Variants in SPIN1 observed in about 807,000 individuals in gnomAD.
SPIN1 encodes the protein spindlin 1, also known as spindlin-1.
SPIN1 carries 3 observed loss-of-function variants against 26.0 expected under a neutral mutation model. The observed-to-expected ratio is 0.12, with a 90% confidence interval of 0.05 to 0.30. The LOEUF is 0.30. Among genes scored for constraint, SPIN1 ranks in the 10% least tolerant of loss-of-function variants. SPIN1 has a pLI of 1.00. For missense variants in SPIN1, 126 were observed against 333.4 expected (o/e 0.38, Z 4.84); for synonymous variants, 101 against 116.5 (o/e 0.87, Z 0.86).
At chr9:88,472,905 C>G (rs1828816972) in intron 5 of SPIN1, among the ~76,000 whole-genome samples, 1 of 152,194 alleles carries the variant, frequency 6.6e-6, no homozygotes, top group Admixed American at 6.5e-5. Flanking sequence ...CCTTTAAAAA[C>G]TACTCAGTGG....
At chr9:88,443,784 T>G (rs1180142120) in intron 2 of SPIN1, among the ~76,000 whole-genome samples, 1 of 152,154 alleles carries the variant, frequency 6.6e-6, no homozygotes, top group Non-Finnish European at 1.5e-5. Flanking sequence ...GTTGTGACCT[T>G]TGCTTGTACT....
chr9:88,395,513 G>GT (rs1460283475), intron 1 of SPIN1, among the ~76,000 whole-genome samples: 1 of 152,032 alleles, frequency 6.6e-6, no homozygotes, highest in African/African-American at 2.4e-5. Context: ...TGGGTATATT[G>GT]TTTTTTATTT....
Position 88,475,335 on chromosome 9 carries a change from T to C in SPIN1, c.*58T>C. The C allele has an allele frequency of 6.5e-7, 1 of 1,546,618 alleles. No homozygotes were observed. The highest frequency in any genetic ancestry group is 8.9e-7 in the Non-Finnish European group (1 of 1,129,678). On this transcript the variant is annotated 3_prime_UTR_variant, in exon 6 of 6. Transcript: ENST00000375859. ...CTATGAAATGTATTATTTGTAGACA[T>C]AAAGACTTGATTGCTTTCCAGTTTA...
chr9:88,425,687 A>C (rs1827750857), intron 1 of SPIN1, among the ~76,000 whole-genome samples: 1 of 152,030 alleles, frequency 6.6e-6, no homozygotes, highest in Non-Finnish European at 1.5e-5. Context: ...AAAAAAAAAA[A>C]AAGATACACT....
chr9:88,396,216 G>A (rs1296605962), intron 1 of SPIN1, among the ~76,000 whole-genome samples: 4 of 151,662 alleles, frequency 2.6e-5, no homozygotes, highest in Non-Finnish European at 5.9e-5. Context: ...TTCAGCCTGG[G>A]TGACAGAGTG....
intron 5 of SPIN1, among the ~76,000 whole-genome samples, chr9:88,471,654 C>CAAAA (rs1166469042): frequency 0.01 from 623 of 59,738 alleles, 45 homozygotes; most frequent in African/African-American, 0.015. Context: ...GACTCTGTCT[C>CAAAA]AAAAAAAAAA....
chr9:88,410,537 T>C, intron 1 of SPIN1: 1 of 798,550 alleles, frequency 1.3e-6, no homozygotes, highest in Non-Finnish European at 2.2e-6. Context: ...AATTAAAATC[T>C]TCTGCTACTG....
intron 2 of SPIN1, among the ~76,000 whole-genome samples, chr9:88,426,983 A>G (rs2118025474): frequency 6.6e-6 from 1 of 152,196 alleles, no homozygotes; most frequent in East Asian, 1.9e-4. Context: ...GTTTACTTGA[A>G]AGAAGTTTAC....
intron 2 of SPIN1, among the ~76,000 whole-genome samples, chr9:88,433,283 A>G (rs1587795314): frequency 1.3e-5 from 2 of 152,028 alleles, no homozygotes; most frequent in South Asian, 2.1e-4. Flanking sequence ...GGGTTTCGCC[A>G]TGTTGCCCAG....
intron 1 of SPIN1, among the ~76,000 whole-genome samples, chr9:88,407,059 G>A (rs1827326075): frequency 6.8e-6 from 1 of 147,624 alleles, no homozygotes; most frequent in Non-Finnish European, 1.5e-5. Flanking sequence ...CACCCTTTAT[G>A]CTTCCCACCT....
At chr9:88,414,969 T>C (rs1297964599) in intron 1 of SPIN1, among the ~76,000 whole-genome samples, 2 of 152,192 alleles carry the variant, frequency 1.3e-5, no homozygotes, top group African/African-American at 4.8e-5. Context: ...AGTGGCATGA[T>C]CTCGGCTCAC....
chr9:88,420,317 G>A (rs1226367969), intron 1 of SPIN1, among the ~76,000 whole-genome samples: 1 of 152,232 alleles, frequency 6.6e-6, no homozygotes, highest in Admixed American at 6.5e-5. Flanking sequence ...GGAGGTTGCA[G>A]TGAGCCGAGA....
At chr9:88,439,866 C>CT (rs1828082971) in intron 2 of SPIN1, among the ~76,000 whole-genome samples, 1 of 152,062 alleles carries the variant, frequency 6.6e-6, no homozygotes, top group Admixed American at 6.6e-5. Flanking sequence ...ATCTGTGTAT[C>CT]TTTATAGTTA....
chr9:88,474,592 A>C (rs1191991819), intron 5 of SPIN1, among the ~76,000 whole-genome samples: 2 of 152,226 alleles, frequency 1.3e-5, no homozygotes, highest in Non-Finnish European at 2.9e-5. Flanking sequence ...TAGGCATTTT[A>C]AATGTGTGCC....
intron 2 of SPIN1, among the ~76,000 whole-genome samples, chr9:88,442,721 T>G (rs1483378788): frequency 1.3e-5 from 2 of 151,958 alleles, no homozygotes; most frequent in African/African-American, 4.8e-5. Context: ...TTTTCTACAG[T>G]TTGAATATGA....
intron 5 of SPIN1, among the ~76,000 whole-genome samples, chr9:88,470,003 A>G (rs1008547078): frequency 6.6e-6 from 1 of 152,200 alleles, no homozygotes; most frequent in Non-Finnish European, 1.5e-5. Context: ...CCTGGCCTTA[A>G]GCAACCAGTA....
rs149357571 is a variant in SPIN1, at chr9:88,455,254, C to T, written c.101+6265C>T. ...CCAAGGCTGGCAGATGACCTGAGGT[C>T]GGGAGTTTGAGACCAGCCTGATCAA... On this transcript the variant is annotated intron_variant, in intron 3 of 5. Coordinates refer to ENST00000375859, the MANE Select transcript of SPIN1 (RefSeq NM_006717.3). 9.2e-5 allele frequency among the ~76,000 whole-genome samples: 14 copies of T among 152,318 alleles called. No homozygotes were observed. The East Asian group carries it at 1.9e-3, about 21-fold the overall frequency.
intron 2 of SPIN1, among the ~76,000 whole-genome samples, chr9:88,434,024 G>C (rs1827943188): frequency 6.6e-6 from 1 of 152,094 alleles, no homozygotes; most frequent in African/African-American, 2.4e-5. Context: ...AGTTAAGTGA[G>C]AACTCAAGGG....
chr9:88,457,838 C>A, intron 3 of SPIN1: 1 of 982,692 alleles, frequency 1.0e-6, no homozygotes, highest in Non-Finnish European at 1.2e-6. Context: ...TGTGAAAATA[C>A]TACGCAAAAA....
Sources: gnomAD v4.1 joint callset for allele counts (sites outside exome capture counted in the v4.1 genomes callset) on GRCh38, gnomAD v4.1.1 for gene constraint, MANE v1.5 for transcripts, NCBI Gene and HGNC (gene_info 2026-07-23, HGNC 2026-07-21) for gene names.